KCNJ12: variants seen among roughly 807,000 people sequenced by gnomAD.
KCNJ12 encodes ATP-sensitive inward rectifier potassium channel 12.
KCNJ12 carries 2 observed loss-of-function variants against 22.3 expected under a neutral mutation model. That is an observed-to-expected ratio of 0.09 (90% CI 0.04 to 0.28). The LOEUF is 0.28. Among genes scored for constraint, KCNJ12 ranks in the 10% least tolerant of loss-of-function variants. The probability of loss-of-function intolerance (pLI) is 1.00; values close to 1 mark genes in which losing one functional copy is unlikely to be tolerated. For synonymous variants in KCNJ12, 117 were observed against 261.4 expected, an observed-to-expected ratio of 0.45 and a Z score of 5.33; for missense variants, 155 against 633.3, an observed-to-expected ratio of 0.24 and a Z score of 8.11.
At chr17:21,402,098 C>T (rs577192134) in intron 1 of KCNJ12, among the ~76,000 whole-genome samples, 8 of 152,208 alleles carry the variant, frequency 5.3e-5, no homozygotes, top group East Asian at 1.9e-4. Flanking sequence ...GCTTCTGTCT[C>T]GCCATCCATC....
At chr17:21,413,648 C>T (rs1198270002) in intron 2 of KCNJ12, among the ~76,000 whole-genome samples, 19 of 152,414 alleles carry the variant, frequency 1.2e-4, no homozygotes, top group Middle Eastern at 3.4e-3. Context: ...GGTGCCATAG[C>T]CCCTAGCTTG....
intron 1 of KCNJ12, among the ~76,000 whole-genome samples, chr17:21,402,060 C>G (rs1367995433): frequency 1.3e-5 from 2 of 152,388 alleles, no homozygotes; most frequent in East Asian, 3.9e-4. Context: ...GCGTCCTCGG[C>G]CAAGTCCCCT....
intron 1 of KCNJ12, among the ~76,000 whole-genome samples, chr17:21,385,792 A>G (rs1335569379): frequency 6.6e-6 from 1 of 152,222 alleles, no homozygotes; most frequent in Non-Finnish European, 1.5e-5. Flanking sequence ...TGGTGGCCTT[A>G]GGACCAGCTG....
chr17:21,408,975 C>T (rs1906152042), intron 2 of KCNJ12, among the ~76,000 whole-genome samples: 1 of 152,312 alleles, frequency 6.6e-6, no homozygotes, highest in East Asian at 1.9e-4. Flanking sequence ...CACCCATCTG[C>T]CTGACCACCC....
intron 1 of KCNJ12, chr17:21,405,365 C>G (rs1905869560): frequency 6.6e-6 from 1 of 152,258 alleles, no homozygotes; most frequent in Non-Finnish European, 1.5e-5. Context: ...TGGGGAGTTT[C>G]AGGCCCCAGT....
At chr17:21,410,758 C>A (rs1433868196) in intron 2 of KCNJ12, among the ~76,000 whole-genome samples, 1 of 152,392 alleles carries the variant, frequency 6.6e-6, no homozygotes, top group Non-Finnish European at 1.5e-5. Flanking sequence ...CCCTACAGCC[C>A]AGCCTGGAAG....
At position 21,376,563 on chromosome 17, in the gene KCNJ12, G is replaced by T. The variant is rs1419810902; in HGVS notation, c.-529G>T. 1 of 151,838 alleles carries T rather than the reference G, an allele frequency of 6.6e-6. No individual in the cohort carries two copies. Among genetic ancestry groups the T allele is most frequent in the Non-Finnish European group, 1.5e-5 (1 of 67,924 alleles). The allele number at this position is 151,838 out of a possible 1,614,324, so 9.4% of individuals were successfully genotyped here. A position where few individuals can be genotyped will look rare whatever the true frequency, so the allele number is the denominator to read the frequency against. Reference sequence around the variant, plus strand: ...GCGAGGAGGTGCGGGGCGCCGGGGCGTAGGGGAGCGCGCCGGGCCCTGCCC... The same window carrying T: ...GCGAGGAGGTGCGGGGCGCCGGGGCTTAGGGGAGCGCGCCGGGCCCTGCCC... On this transcript the variant is annotated 5_prime_UTR_variant, in exon 1 of 3. Coordinates refer to ENST00000583088, the MANE Select transcript of KCNJ12 (RefSeq NM_021012.5). This position sits in a 1 kb window ranked among gnomAD's most constrained non-coding sequence, Gnocchi z 5.3.
intron 1 of KCNJ12, among the ~76,000 whole-genome samples, chr17:21,384,989 A>G (rs1474111303): frequency 2.0e-5 from 3 of 151,538 alleles, no homozygotes; most frequent in African/African-American, 7.3e-5. Context: ...GTTAGCCAGG[A>G]TGGTCTCGAT....
rs1440998695 is a variant in KCNJ12 at position 21,376,784 on chromosome 17, C to G, written c.-308C>G. 1 of 111,256 alleles carries G rather than the reference C, an allele frequency of 9.0e-6. No individual in the cohort carries two copies. Among genetic ancestry groups the G allele is most frequent in the Non-Finnish European group, 1.9e-5 (1 of 53,660 alleles). The allele number at this position is 111,256 out of a possible 1,614,324, so 6.9% of individuals were successfully genotyped here. The stretch of plus-strand genomic sequence containing the variant: ...AGACGCGCCCCTCGGCATGGAGCGC[C>G]CCCGGGAGCTGCCCTGAGGCGGTGG... On this transcript the variant is annotated 5_prime_UTR_variant, in exon 1 of 3. Coordinates refer to ENST00000583088, the MANE Select transcript of KCNJ12 (RefSeq NM_021012.5). This position sits in a 1 kb window ranked among gnomAD's most constrained non-coding sequence, Gnocchi z 5.3.
intron 1 of KCNJ12, among the ~76,000 whole-genome samples, chr17:21,383,159 T>C (rs1179460832): frequency 6.6e-6 from 1 of 152,130 alleles, no homozygotes; most frequent in African/African-American, 2.4e-5. Context: ...TCAAGGGGGA[T>C]GGAGTGGCCT....
chr17:21,382,555 G>A (rs1444243853), intron 1 of KCNJ12, among the ~76,000 whole-genome samples: 1 of 152,170 alleles, frequency 6.6e-6, no homozygotes, highest in Non-Finnish European at 1.5e-5. Flanking sequence ...GATTTGCAAT[G>A]ATCAACTCCA....
intron 2 of KCNJ12, among the ~76,000 whole-genome samples, chr17:21,410,499 G>A (rs1288614949): frequency 6.6e-6 from 1 of 152,288 alleles, no homozygotes; most frequent in East Asian, 1.9e-4. Flanking sequence ...CCTGCATTGA[G>A]TGATCTCTGA....
rs1188282090 is a variant in KCNJ12 at position 21,416,838 on chromosome 17, C to T, written c.*194C>T. On this transcript the variant is annotated 3_prime_UTR_variant, in exon 3 of 3. Transcript: ENST00000583088. The stretch of plus-strand genomic sequence containing the variant: ...AGGGGGCAGCCAGAGCGGCAGCCCC[C>T]GGCCTCAGAGGCTATCACAGGCTCA... 1.0e-4 allele frequency: 103 copies of T among 990,196 alleles called. No individual in the cohort carries two copies. Among genetic ancestry groups the T allele is most frequent in the Middle Eastern group, 3.3e-4 (1 of 3,048 alleles). 61.3% of individuals were successfully genotyped at this position (990,196 alleles called of 1,614,324 possible).
chr17:21,404,373 C>A (rs1905808977), intron 1 of KCNJ12, among the ~76,000 whole-genome samples: 1 of 152,294 alleles, frequency 6.6e-6, no homozygotes, highest in Admixed American at 6.5e-5. Context: ...AGCACCCCTC[C>A]TGCCACTGGG....
chr17:21,400,400 AC>A (rs1344936619), intron 1 of KCNJ12, among the ~76,000 whole-genome samples: 1 of 152,306 alleles, frequency 6.6e-6, no homozygotes, highest in Non-Finnish European at 1.5e-5. Context: ...CCGGGTGGTC[AC>A]ACAGTCCCTC....
At chr17:21,379,408 C>G (rs1257494266) in intron 1 of KCNJ12, among the ~76,000 whole-genome samples, 1 of 152,240 alleles carries the variant, frequency 6.6e-6, no homozygotes, top group African/African-American at 2.4e-5. Context: ...CTCACCCCCC[C>G]TGCTCCCAGG....
chr17:21,389,256 A>T (rs1555559048), intron 1 of KCNJ12, among the ~76,000 whole-genome samples: 10 of 152,186 alleles, frequency 6.6e-5, no homozygotes. Context: ...GCCACAGAGC[A>T]TGGCTGGTCC....
intron 1 of KCNJ12, among the ~76,000 whole-genome samples, chr17:21,389,267 A>G (rs1460215924): frequency 2.0e-5 from 3 of 152,196 alleles, no homozygotes; most frequent in Non-Finnish European, 4.4e-5. Context: ...TGGCTGGTCC[A>G]GGCACCTCTT....
intron 1 of KCNJ12, among the ~76,000 whole-genome samples, chr17:21,391,444 C>T (rs1464233419): frequency 1.3e-5 from 2 of 152,224 alleles, no homozygotes; most frequent in African/African-American, 4.8e-5. Flanking sequence ...GACCTCCTCA[C>T]AAGACTGTCC....
Sources: gnomAD v4.1 joint callset for allele counts (sites outside exome capture counted in the v4.1 genomes callset) on GRCh38, gnomAD v4.1.1 for gene constraint, Gnocchi (gnomAD v3.1) non-coding constraint, MANE v1.5 for transcripts, NCBI Gene and HGNC (gene_info 2026-07-23, HGNC 2026-07-21) for gene names.